MRTFA: variants seen among roughly 807,000 people sequenced by gnomAD.
MRTFA encodes the protein myocardin related transcription factor A, also known as myocardin-related transcription factor A.
MRTFA carries 20 observed loss-of-function variants against 83.5 expected under a neutral mutation model. The observed-to-expected ratio is 0.24, with a 90% CI of 0.17 to 0.35. The LOEUF (loss-of-function observed/expected upper bound fraction) is 0.35, where lower values mean the gene tolerates loss of function less well. Among genes scored for constraint, MRTFA ranks in the 10% least tolerant of loss-of-function variants. The pLI, the probability that MRTFA is intolerant of heterozygous loss-of-function variation, is 1.00. For missense variants in MRTFA, 1,200 were observed against 1,224.7 expected (o/e 0.98, Z 0.30); for synonymous variants, 659 against 541.2 (o/e 1.22, Z -3.02).
At chr22:40,632,347 G>A (rs980150717) in intron 1 of MRTFA, among the ~76,000 whole-genome samples, 5 of 151,612 alleles carry the variant, frequency 3.3e-5, no homozygotes, top group African/African-American at 1.2e-4. Context: ...GCAGTGGCAC[G>A]ATCTCAGCTC....
rs781401848 is a variant in MRTFA, at chr22:40,419,017, T to C, written c.1721A>G (p.Asp574Gly). 1.9e-5 allele frequency: 30 copies of C among 1,612,294 alleles called. No individual in the cohort carries two copies. In the Middle Eastern group the frequency reaches 8.2e-4, roughly 44 times the overall value. ...TGATGTCACCATCTCACCAAAGGTG[T>C]CCCCGGGGGTGGAGTTTTCATCGCC... The change falls in exon 12 of 15, where the codon GAC becomes GGC. Residue 574 changes from aspartate (D) to glycine (G), a missense_variant. Physicochemically the swap from Asp to Gly is moderately conservative, Grantham distance 94 (BLOSUM62 -1). Around this residue, in one of 2 missense-constraint regions of MRTFA, gnomAD observed 1,107 missense variants for 1,041.8 expected, o/e 1.06. Transcript: ENST00000355630.
At chr22:40,501,077 T>C (rs1471006276) in intron 3 of MRTFA, among the ~76,000 whole-genome samples, 1 of 102,996 alleles carries the variant, frequency 9.7e-6, no homozygotes, top group African/African-American at 4.3e-5. Flanking sequence ...GAGGGGCTCC[T>C]CACTTCCCAG....
At chr22:40,594,554 A>G (rs2056164532) in intron 2 of MRTFA, 120 bp downstream of exon 2, 2 of 152,144 alleles carry the variant, frequency 1.3e-5, no homozygotes, top group African/African-American at 4.8e-5. Context: ...TGAGACTGAA[A>G]AAGATAATGT....
chr22:40,550,994 AGC>A (rs2055436646), intron 3 of MRTFA, among the ~76,000 whole-genome samples: 1 of 151,688 alleles, frequency 6.6e-6, no homozygotes. Context: ...TGGGATTACA[AGC>A]ATGTGCCACC....
At chr22:40,614,411 C>CAA (rs373173040) in intron 1 of MRTFA, among the ~76,000 whole-genome samples, 4 of 108,600 alleles carry the variant, frequency 3.7e-5, no homozygotes, top group African/African-American at 1.3e-4. Flanking sequence ...ACCCTGTCTC[C>CAA]AAAAAAAAAA....
Position 40,420,888 on chromosome 22 carries a change from C to T in MRTFA, c.1140G>A (p.Gln380=). Residue 380 remains glutamine, a synonymous_variant, in exon 10 of 15, where the codon CAG becomes CAA. Coordinates refer to ENST00000355630, the MANE Select transcript of MRTFA (RefSeq NM_020831.6). ...GGATGGCCTGGTAGTTGTGGTGCTGCTGCTGCTGCTGGTTGAGGATCTGCA... is the reference window on the plus strand; with the variant it reads ...GGATGGCCTGGTAGTTGTGGTGCTGTTGCTGCTGCTGGTTGAGGATCTGCA... The T allele has an allele frequency of 1.2e-6, 2 of 1,614,062 alleles. No homozygotes were observed. Among genetic ancestry groups the T allele is most frequent in the Non-Finnish European group, 1.7e-6 (2 of 1,179,992 alleles).
chr22:40,622,593 G>A (rs143401930), intron 1 of MRTFA, among the ~76,000 whole-genome samples: 1 of 152,122 alleles, frequency 6.6e-6, no homozygotes, highest in Non-Finnish European at 1.5e-5. Context: ...GATGTGCAGA[G>A]AGATTTAAAG....
chr22:40,634,334 C>A (rs2147457650), intron 1 of MRTFA, among the ~76,000 whole-genome samples: 1 of 152,328 alleles, frequency 6.6e-6, no homozygotes, highest in South Asian at 2.1e-4. Flanking sequence ...CTCAAGTGAT[C>A]CTCCTGCCTT....
intron 3 of MRTFA, among the ~76,000 whole-genome samples, chr22:40,507,250 A>G (rs1057135831): frequency 2.6e-5 from 4 of 152,150 alleles, no homozygotes; most frequent in African/African-American, 4.8e-5. Context: ...AGTCCCAGCT[A>G]CTTCAGAGGC....
chr22:40,562,272 C>G (rs1275314837), intron 2 of MRTFA, among the ~76,000 whole-genome samples: 6 of 151,126 alleles, frequency 4.0e-5, no homozygotes, highest in Non-Finnish European at 2.9e-5. Flanking sequence ...AGGAATCCAG[C>G]TGAGTCCAGC....
At chr22:40,559,566 C>T (rs1490736506) in intron 2 of MRTFA, among the ~76,000 whole-genome samples, 4 of 151,942 alleles carry the variant, frequency 2.6e-5, no homozygotes, top group Admixed American at 2.6e-4. Flanking sequence ...GCCAACACAC[C>T]TGACTATTTT....
intron 3 of MRTFA, among the ~76,000 whole-genome samples, chr22:40,542,639 A>T (rs1156610826): frequency 1.3e-5 from 2 of 152,240 alleles, no homozygotes; most frequent in Non-Finnish European, 1.5e-5. Context: ...ATGCAAAAAA[A>T]TTTTAAAAGA....
At chr22:40,498,210 T>C (rs542419640) in intron 3 of MRTFA, among the ~76,000 whole-genome samples, 8 of 144,252 alleles carry the variant, frequency 5.5e-5, no homozygotes, top group African/African-American at 1.0e-4. Flanking sequence ...CCAAACAAAA[T>C]GTCAGCATGC....
At chr22:40,444,822 C>A (rs2053346320) in intron 4 of MRTFA, among the ~76,000 whole-genome samples, 1 of 152,018 alleles carries the variant, frequency 6.6e-6, no homozygotes, top group Non-Finnish European at 1.5e-5. Flanking sequence ...AACCCCAGCA[C>A]CCTGGCAGGC....
At chr22:40,532,493 G>T (rs2055099370) in intron 3 of MRTFA, among the ~76,000 whole-genome samples, 1 of 152,176 alleles carries the variant, frequency 6.6e-6, no homozygotes, top group Non-Finnish European at 1.5e-5. Flanking sequence ...AGATCTGTAG[G>T]AGGAAAAGGA....
At chr22:40,568,142 A>G (rs371297025) in intron 2 of MRTFA, among the ~76,000 whole-genome samples, 4 of 152,236 alleles carry the variant, frequency 2.6e-5, no homozygotes, top group African/African-American at 7.2e-5. Flanking sequence ...CAGAGCCACA[A>G]TGAGGAACTC....
intron 3 of MRTFA, among the ~76,000 whole-genome samples, chr22:40,521,459 T>G (rs1245498078): frequency 2.0e-5 from 3 of 152,118 alleles, no homozygotes; most frequent in African/African-American, 7.2e-5. Context: ...TTGCCCCTTT[T>G]TAAAAGTTGC....
chr22:40,529,096 C>T (rs764166127), intron 3 of MRTFA, among the ~76,000 whole-genome samples: 7 of 152,092 alleles, frequency 4.6e-5, no homozygotes, highest in Non-Finnish European at 8.8e-5. Flanking sequence ...AATTAACATA[C>T]TATCAAAAAG....
chr22:40,453,453 A>G (rs948278567), intron 4 of MRTFA, among the ~76,000 whole-genome samples: 3 of 152,278 alleles, frequency 2.0e-5, no homozygotes, highest in Admixed American at 6.5e-5. Flanking sequence ...CTGGGCTCCT[A>G]TTGGAAAGGG....
Sources: allele counts gnomAD v4.1 joint callset (sites outside exome capture counted in the v4.1 genomes callset), GRCh38; gene constraint gnomAD v4.1.1; regional missense constraint gnomAD v4.1.1; transcripts MANE v1.5; gene names NCBI Gene and HGNC (gene_info 2026-07-23, HGNC 2026-07-21).